The following ELAVL4 variants were observed in gnomAD, a reference collection of about 807,000 sequenced individuals.
ELAVL4 encodes ELAV like RNA binding protein 4.
A neutral mutation model predicts 35.6 loss-of-function variants in ELAVL4; 1 was observed. That is an observed-to-expected ratio of 0.03 (90% CI 0.01 to 0.13). The LOEUF (loss-of-function observed/expected upper bound fraction) is 0.13, where lower values mean the gene tolerates loss of function less well. Ranked by LOEUF, ELAVL4 falls within the 10% of genes least tolerant of loss-of-function variation. The probability of loss-of-function intolerance (pLI) is 1.00; values close to 1 mark genes in which losing one functional copy is unlikely to be tolerated. For missense variants in ELAVL4, 267 were observed against 464.9 expected, an observed-to-expected ratio of 0.57 and a Z score of 3.91; for synonymous variants, 156 against 171.0, an observed-to-expected ratio of 0.91 and a Z score of 0.69.
intron 1 of ELAVL4, among the ~76,000 whole-genome samples, chr1:50,134,407 G>A (rs560355379): frequency 2.4e-4 from 37 of 152,282 alleles, no homozygotes; most frequent in African/African-American, 7.7e-4. Flanking sequence ...TGAAGATAAT[G>A]TATTTCCCAT....
chr1:50,193,349 G>C (rs1025755258), intron 3 of ELAVL4, among the ~76,000 whole-genome samples: 2 of 143,176 alleles, frequency 1.4e-5, no homozygotes, highest in African/African-American at 5.1e-5. Flanking sequence ...GAAATGTGCA[G>C]AGCAGAATTT....
rs138724011 is a variant in ELAVL4, at chr1:50,200,959, C to T, written c.882C>T (p.Ser294=). The change falls in exon 7 of 7, where the codon TCC becomes TCT. Residue 294 remains serine (S), a synonymous_variant. Transcript: ENST00000371824. ...CIFVYNLSPD[S]DESVLWQLFG... is the part of the protein sequence containing the mutation. ...TTGTCTACAACCTGTCCCCCGATTC[C>T]GATGAGAGTGTCCTCTGGCAGCTCT... The T allele has an allele frequency of 3.6e-5, 58 of 1,613,958 alleles. No individual in the cohort carries two copies. Among genetic ancestry groups the T allele is most frequent in the Middle Eastern group, 1.6e-4 (1 of 6,084 alleles).
chr1:50,187,915 G>A (rs1482916811), intron 3 of ELAVL4, among the ~76,000 whole-genome samples: 1 of 152,140 alleles, frequency 6.6e-6, no homozygotes, highest in Non-Finnish European at 1.5e-5. Flanking sequence ...GGCCAACATA[G>A]TGAAATCCCT....
chr1:50,186,904 C>T (rs777514272), intron 3 of ELAVL4, among the ~76,000 whole-genome samples: 1 of 152,164 alleles, frequency 6.6e-6, no homozygotes, highest in Non-Finnish European at 1.5e-5. Context: ...TAAGCAGATG[C>T]CTGTCCTGCC....
intron 1 of ELAVL4, among the ~76,000 whole-genome samples, chr1:50,080,416 T>TCACACACA (rs71751816): frequency 6.7e-6 from 1 of 149,404 alleles, no homozygotes; most frequent in Admixed American, 6.7e-5. Flanking sequence ...GTTGTTGATT[T>TCACACACA]CACACACACA....
chr1:50,128,156 A>G (rs1322508184), intron 1 of ELAVL4, among the ~76,000 whole-genome samples: 2 of 152,150 alleles, frequency 1.3e-5, no homozygotes, highest in Admixed American at 1.3e-4. Context: ...GAGGAGATCT[A>G]ATTTCCTATG....
Position 50,137,006 on chromosome 1 carries a change from T to C in ELAVL4, c.10-7951T>C, listed in dbSNP as rs141112933. Reference sequence around the variant, plus strand: ...ATCCTGAAAGTAGGTGTAGGTTAACTAGATTAAAATATCTAAATGCAAAAC... The same window carrying C: ...ATCCTGAAAGTAGGTGTAGGTTAACCAGATTAAAATATCTAAATGCAAAAC... On this transcript the variant is annotated intron_variant, in intron 1 of 6. Coordinates refer to ENST00000371824, the MANE Select transcript of ELAVL4 (RefSeq NM_001144774.3). Among the ~76,000 whole-genome samples the C allele has an allele frequency of 5.4e-3, 829 of 152,292 alleles. 4 individuals carry two copies. The highest frequency in any genetic ancestry group is 7.8e-3 in the Admixed American group (119 of 15,290).
At chr1:50,072,709 G>T (rs1382901140) in intron 1 of ELAVL4, among the ~76,000 whole-genome samples, 1 of 152,144 alleles carries the variant, frequency 6.6e-6, no homozygotes, top group Non-Finnish European at 1.5e-5. Flanking sequence ...TATAAAGATT[G>T]ATTGAATTCT....
intron 1 of ELAVL4, among the ~76,000 whole-genome samples, chr1:50,071,565 T>A (rs1664517608): frequency 6.6e-6 from 1 of 152,138 alleles, no homozygotes; most frequent in Admixed American, 6.5e-5. Context: ...GCCTTTTGTG[T>A]AGGAAACATT....
At chr1:50,093,960 G>A (rs1029224250) in intron 1 of ELAVL4, among the ~76,000 whole-genome samples, 3 of 152,168 alleles carry the variant, frequency 2.0e-5, no homozygotes, top group Non-Finnish European at 2.9e-5. Context: ...AATAATAACA[G>A]TACCTACCTT....
chr1:50,133,635 GAA>G (rs1158287287), intron 1 of ELAVL4, among the ~76,000 whole-genome samples: 315 of 148,976 alleles, frequency 2.1e-3, no homozygotes, highest in African/African-American at 7.5e-3. Flanking sequence ...AAGAAAGAAA[GAA>G]AGAAAGAAAG....
At chr1:50,185,665 C>T (rs1419342954) in intron 3 of ELAVL4, among the ~76,000 whole-genome samples, 1 of 152,112 alleles carries the variant, frequency 6.6e-6, no homozygotes, top group Non-Finnish European at 1.5e-5. Flanking sequence ...AAGAAATGCT[C>T]CCCAGGATGA....
Position 50,202,551 on chromosome 1 carries a change from T to C in ELAVL4, c.*1373T>C, listed in dbSNP as rs536404498. On this transcript the variant is annotated 3_prime_UTR_variant, in exon 7 of 7. Transcript: ENST00000371824. Reference sequence around the variant, plus strand: ...ATTTATTTAATCGCCGATGTGATGATGCCTATGGCCGAGATCAAATATAGC... The same window carrying C: ...ATTTATTTAATCGCCGATGTGATGACGCCTATGGCCGAGATCAAATATAGC... 1 of 152,328 alleles carries C rather than the reference T, an allele frequency of 6.6e-6. No homozygotes were observed. Among genetic ancestry groups the C allele is most frequent in the Admixed American group, 6.5e-5 (1 of 15,304 alleles). The allele number at this position is 152,328 out of a possible 1,614,324, so 9.4% of individuals were successfully genotyped here. A position where few individuals can be genotyped will look rare whatever the true frequency, so the allele number is the denominator to read the frequency against.
chr1:50,167,222 A>G (rs574871730), intron 2 of ELAVL4, among the ~76,000 whole-genome samples: 9 of 152,324 alleles, frequency 5.9e-5, no homozygotes, highest in Admixed American at 4.6e-4. Context: ...CCATCATTCT[A>G]TCAATCCAGC....
chr1:50,174,360 G>A (rs1342623045), intron 2 of ELAVL4: 1 of 152,126 alleles, frequency 6.6e-6, no homozygotes, highest in Non-Finnish European at 1.5e-5. Flanking sequence ...AAGTTTTTCT[G>A]CCTCTGTCCT....
At chr1:50,177,949 A>G (rs771740825) in intron 3 of ELAVL4, among the ~76,000 whole-genome samples, 5 of 152,190 alleles carry the variant, frequency 3.3e-5, no homozygotes, top group Admixed American at 6.6e-5. Flanking sequence ...AGGAGGTTTA[A>G]GTTTCTGTCA....
intron 1 of ELAVL4, among the ~76,000 whole-genome samples, chr1:50,119,929 G>T (rs528817635): frequency 6.6e-6 from 1 of 151,720 alleles, no homozygotes; most frequent in East Asian, 1.9e-4. Flanking sequence ...AAGCTTGCAC[G>T]TTTAGTAATA....
chr1:50,049,587 A>C (rs2148466480), intron 1 of ELAVL4, among the ~76,000 whole-genome samples: 1 of 152,336 alleles, frequency 6.6e-6, no homozygotes, highest in South Asian at 2.1e-4. Flanking sequence ...ATAAAGTGAC[A>C]GTACAATGCT....
At chr1:50,169,424 A>G (rs537498463) in intron 2 of ELAVL4, among the ~76,000 whole-genome samples, 1 of 151,120 alleles carries the variant, frequency 6.6e-6, no homozygotes, top group East Asian at 1.9e-4. Context: ...AAAAATCGCA[A>G]CTCCACCCCC....
Sources: allele counts gnomAD v4.1 joint callset (sites outside exome capture counted in the v4.1 genomes callset), GRCh38; gene constraint gnomAD v4.1.1; transcripts MANE v1.5; gene names NCBI Gene and HGNC (gene_info 2026-07-23, HGNC 2026-07-21).